Variants in ZNF536 observed in about 807,000 individuals in gnomAD.
The protein encoded by ZNF536 is zinc finger protein 536.
A neutral mutation model predicts 84.5 loss-of-function variants in ZNF536; 13 were observed. The ratio of observed to expected loss-of-function variants is 0.15; its 90% CI spans 0.10 to 0.24. The LOEUF (loss-of-function observed/expected upper bound fraction) is 0.24, where lower values mean the gene tolerates loss of function less well. Among genes scored for constraint, ZNF536 ranks in the 10% least tolerant of loss-of-function variants. The pLI is 1.00. For synonymous variants in ZNF536, 811 were observed against 742.5 expected (o/e 1.09, Z -1.50); for missense variants, 1,536 against 1,747.5 (o/e 0.88, Z 2.16).
intron 1 of ZNF536, among the ~76,000 whole-genome samples, chr19:30,442,253 C>T (rs1299908080): frequency 6.6e-6 from 1 of 152,212 alleles, no homozygotes; most frequent in Non-Finnish European, 1.5e-5. Flanking sequence ...GGGGCTGTTT[C>T]CTCTGCCCTC....
At chr19:30,245,176 C>T (rs77734486) in intron 1 of ZNF536, among the ~76,000 whole-genome samples, 2 of 152,344 alleles carry the variant, frequency 1.3e-5, no homozygotes, top group East Asian at 3.9e-4. Flanking sequence ...TCACCTTTTA[C>T]CTGGCTGCCC....
intron 2 of ZNF536, among the ~76,000 whole-genome samples, chr19:30,464,833 C>T (rs976943910): frequency 2.6e-5 from 4 of 151,894 alleles, no homozygotes; most frequent in Non-Finnish European, 4.4e-5. Context: ...TCCTCCTGCC[C>T]GAGTTCCTTA....
intron 1 of ZNF536, among the ~76,000 whole-genome samples, chr19:30,694,653 T>C (rs1222948815): frequency 1.3e-5 from 2 of 151,858 alleles, no homozygotes; most frequent in African/African-American, 2.4e-5. Context: ...TTTTTTTAAA[T>C]GTAACATTGG....
chr19:30,537,977 T>C (rs1312201323), intron 3 of ZNF536, among the ~76,000 whole-genome samples: 2 of 152,242 alleles, frequency 1.3e-5, no homozygotes, highest in Admixed American at 6.5e-5. Flanking sequence ...CTTACACTTG[T>C]GCATTTGAAT....
At chr19:30,348,984 C>T (rs534047274) in intron 2 of ZNF536, among the ~76,000 whole-genome samples, 38 of 152,192 alleles carry the variant, frequency 2.5e-4, no homozygotes, top group African/African-American at 8.9e-4. Context: ...ATCTTGAGTG[C>T]AAGCCAGGCT....
At chr19:30,284,060 T>C (rs1212611323) in intron 1 of ZNF536, 1 of 152,246 alleles carries the variant, frequency 6.6e-6, no homozygotes. Flanking sequence ...CTAACAGGTC[T>C]TATTTTTGCA....
exon 2 of ZNF536, chr19:30,711,932 C>T (rs558584551): frequency 2.0e-5 from 3 of 152,084 alleles, no homozygotes; most frequent in Non-Finnish European, 4.4e-5. Flanking sequence ...TAAAATTTTA[C>T]TTGAATGAAG....
intron 1 of ZNF536, among the ~76,000 whole-genome samples, chr19:30,590,617 G>A (rs1254033911): frequency 1.3e-5 from 2 of 152,202 alleles, no homozygotes; most frequent in Non-Finnish European, 1.5e-5. Flanking sequence ...CACTTGCAGA[G>A]CTGGAAGTAA....
At chr19:30,615,657 A>G (rs1163678556) in intron 1 of ZNF536, among the ~76,000 whole-genome samples, 1 of 151,948 alleles carries the variant, frequency 6.6e-6, no homozygotes, top group Non-Finnish European at 1.5e-5. Context: ...TGCTCCGTAG[A>G]ATTTTTCGGG....
chr19:30,269,725 G>A (rs2025718948), intron 1 of ZNF536, among the ~76,000 whole-genome samples: 1 of 152,008 alleles, frequency 6.6e-6, no homozygotes, highest in Admixed American at 6.5e-5. Flanking sequence ...TGTAAATTTG[G>A]CTCCTGGCCT....
chr19:30,277,885 G>A (rs1226086737), intron 1 of ZNF536, among the ~76,000 whole-genome samples: 6 of 152,312 alleles, frequency 3.9e-5, no homozygotes, highest in South Asian at 2.1e-4. Flanking sequence ...CCATTTCTCC[G>A]TTGGTATGTC....
At chr19:30,706,658 A>C (rs2052243167) in intron 1 of ZNF536, among the ~76,000 whole-genome samples, 1 of 152,132 alleles carries the variant, frequency 6.6e-6, no homozygotes, top group Admixed American at 6.5e-5. Context: ...TCATGGTACC[A>C]AGGGTTTTGG....
chr19:30,621,440 T>C (rs1462316600), intron 1 of ZNF536, among the ~76,000 whole-genome samples: 1 of 151,894 alleles, frequency 6.6e-6, no homozygotes, highest in Admixed American at 6.6e-5. Flanking sequence ...CTCTTCTCAG[T>C]GGGGGGACTC....
chr19:30,353,985 G>A (rs1362544598), intron 3 of ZNF536, among the ~76,000 whole-genome samples: 1 of 152,170 alleles, frequency 6.6e-6, no homozygotes, highest in Non-Finnish European at 1.5e-5. Flanking sequence ...CACTCTGCTT[G>A]CCTCCCGAGA....
chr19:30,601,756 G>A (rs1279161364), intron 1 of ZNF536, among the ~76,000 whole-genome samples: 2 of 152,144 alleles, frequency 1.3e-5, no homozygotes, highest in Non-Finnish European at 2.9e-5. Context: ...CCTGGGCAAG[G>A]GTCTGGGACG....
chr19:30,626,644 C>A (rs1021586796), intron 1 of ZNF536, among the ~76,000 whole-genome samples: 1 of 152,008 alleles, frequency 6.6e-6, no homozygotes, highest in Non-Finnish European at 1.5e-5. Context: ...AGGCCGTCCG[C>A]TGCCCCAATG....
chr19:30,604,064 T>A (rs913958402), intron 1 of ZNF536, among the ~76,000 whole-genome samples: 3 of 152,114 alleles, frequency 2.0e-5, no homozygotes, highest in Non-Finnish European at 4.4e-5. Context: ...CACTCCAGCC[T>A]GGGAGGCAGA....
rs188951157 is a variant in ZNF536 at position 30,639,400 on chromosome 19, T to A, written c.170-71357T>A. ...TAATGGGACATTTTACGTGTCTTTT[T>A]TGTACTAAGTCTTGGAAATCCAGTG... On this transcript the variant is annotated intron_variant, in intron 1 of 1. Coordinates refer to the ZNF536 transcript ENST00000592773. Among the ~76,000 whole-genome samples the A allele has an allele frequency of 3.9e-3, 590 of 152,346 alleles. 6 individuals carry two copies. Among genetic ancestry groups the A allele is most frequent in the Non-Finnish European group, 5.2e-3 (357 of 68,028 alleles).
chr19:30,421,264 C>A lies in ZNF536; in HGVS notation c.-2-22297C>A, dbSNP rs930053640. The stretch of plus-strand genomic sequence containing the variant: ...ATCGGTTCCCATTTATTCAGAACTT[C>A]TTAAGAAGATCCTAATCTACTGTGG... On this transcript the variant is annotated intron_variant, in intron 1 of 4. Transcript: ENST00000355537. Among the ~76,000 whole-genome samples, 26 of 152,258 alleles carry A rather than the reference C, an allele frequency of 1.7e-4. No homozygotes were observed. In the East Asian group the frequency reaches 4.4e-3, roughly 26 times the overall value.
Sources: allele counts gnomAD v4.1 joint callset (sites outside exome capture counted in the v4.1 genomes callset), GRCh38; gene constraint gnomAD v4.1.1; transcripts MANE v1.5; gene names NCBI Gene and HGNC (gene_info 2026-07-23, HGNC 2026-07-21).